The following MEIKIN variants were observed in gnomAD, a reference collection of about 807,000 sequenced individuals.
MEIKIN encodes meiosis-specific kinetochore protein.
At chr5:131,918,138 C>G (rs563302000) in intron 6 of MEIKIN, among the ~76,000 whole-genome samples, 13 of 152,100 alleles carry the variant, frequency 8.5e-5, no homozygotes, top group Non-Finnish European at 1.6e-4. Context: ...TGTAAGCCCA[C>G]AGCCAGCAAA....
At chr5:131,892,581 C>T (rs189682740) in intron 8 of MEIKIN, among the ~76,000 whole-genome samples, 3 of 152,160 alleles carry the variant, frequency 2.0e-5, no homozygotes, top group African/African-American at 4.8e-5. Context: ...CTTTTAAGGA[C>T]TTCTCTGCAT....
chr5:131,835,986 T>G (rs1406253452), intron 11 of MEIKIN, among the ~76,000 whole-genome samples: 1 of 152,166 alleles, frequency 6.6e-6, no homozygotes, highest in East Asian at 1.9e-4. Flanking sequence ...GCACAGATTA[T>G]TTTGTCATCC....
intron 8 of MEIKIN, among the ~76,000 whole-genome samples, chr5:131,905,006 G>C (rs958214480): frequency 1.3e-5 from 2 of 152,096 alleles, no homozygotes; most frequent in Admixed American, 1.3e-4. Context: ...GATAGGGGAG[G>C]AATAGCATTA....
chr5:131,857,353 C>T (rs148569730), intron 9 of MEIKIN, among the ~76,000 whole-genome samples: 6 of 152,166 alleles, frequency 3.9e-5, no homozygotes, highest in African/African-American at 1.2e-4. Context: ...CAAAATAGTT[C>T]GAAACACAGG....
intron 12 of MEIKIN, among the ~76,000 whole-genome samples, chr5:131,815,473 T>C (rs1773085528): frequency 6.6e-6 from 1 of 152,228 alleles, no homozygotes; most frequent in African/African-American, 2.4e-5. Flanking sequence ...ATTCTTCCTG[T>C]TCTCATAATT....
chr5:131,833,283 A>G (rs1304742574), intron 11 of MEIKIN, among the ~76,000 whole-genome samples: 4 of 152,152 alleles, frequency 2.6e-5, no homozygotes, highest in Non-Finnish European at 4.4e-5. Flanking sequence ...ATCCTTGCTA[A>G]TTTGCTAAAA....
chr5:131,835,734 C>T (rs1469459064), intron 11 of MEIKIN, among the ~76,000 whole-genome samples: 2 of 152,192 alleles, frequency 1.3e-5, no homozygotes, highest in African/African-American at 4.8e-5. Flanking sequence ...GCTGGGACTA[C>T]AGGTGCCTGC....
chr5:131,821,808 A>C (rs1021175700), intron 11 of MEIKIN, among the ~76,000 whole-genome samples: 1 of 150,228 alleles, frequency 6.7e-6, no homozygotes, highest in Non-Finnish European at 1.5e-5. Context: ...TTTTTTTTGG[A>C]GACATGGGGT....
At chr5:131,887,270 T>A (rs978225414) in intron 8 of MEIKIN, among the ~76,000 whole-genome samples, 3 of 152,166 alleles carry the variant, frequency 2.0e-5, no homozygotes, top group Non-Finnish European at 4.4e-5. Flanking sequence ...TTTGCTATTG[T>A]GAAGAGTGCT....
At chr5:131,850,912 C>G (rs149737785) in intron 11 of MEIKIN, among the ~76,000 whole-genome samples, 1 of 151,712 alleles carries the variant, frequency 6.6e-6, no homozygotes, top group African/African-American at 2.4e-5. Context: ...TGCACCCTGG[C>G]ACTCCAGCAG....
intron 6 of MEIKIN, among the ~76,000 whole-genome samples, chr5:131,917,457 T>G (rs1751431362): frequency 6.6e-6 from 1 of 151,460 alleles, no homozygotes; most frequent in South Asian, 2.1e-4. Context: ...TCCCAGCTAC[T>G]TGGGAGGCTG....
At chr5:131,871,343 G>C (rs968395936) in intron 9 of MEIKIN, among the ~76,000 whole-genome samples, 1 of 152,232 alleles carries the variant, frequency 6.6e-6, no homozygotes, top group African/African-American at 2.4e-5. Flanking sequence ...CGGCACACCA[G>C]GAGATTATAT....
intron 8 of MEIKIN, among the ~76,000 whole-genome samples, chr5:131,901,241 C>T (rs569176048): frequency 6.6e-6 from 1 of 152,246 alleles, no homozygotes; most frequent in East Asian, 1.9e-4. Flanking sequence ...GCCATTGGCA[C>T]AAAACTATAT....
Position 131,918,891 on chromosome 5 carries a change from T to C in MEIKIN, c.599-1966A>G, listed in dbSNP as rs115329947. Among the ~76,000 whole-genome samples the C allele has an allele frequency of 5.5e-3, 833 of 152,252 alleles. 10 individuals are homozygous for C. The highest frequency in any genetic ancestry group is 0.017 in the African/African-American group (720 of 41,530). ...ATGGGGAACAAGCCAACACACTTGG[T>C]TGTATGTTGACATAAGACCCTATGA... is the stretch of plus-strand genomic sequence containing the variant. On this transcript the variant is annotated intron_variant, in intron 6 of 12. Transcript: ENST00000442687.
chr5:131,836,050 C>T (rs779986983), intron 11 of MEIKIN, among the ~76,000 whole-genome samples: 1 of 152,154 alleles, frequency 6.6e-6, no homozygotes, highest in Non-Finnish European at 1.5e-5. Context: ...TCCCTCCTCC[C>T]ACTCTCCACC....
intron 9 of MEIKIN, among the ~76,000 whole-genome samples, chr5:131,870,793 C>T (rs1750476327): frequency 6.6e-6 from 1 of 152,160 alleles, no homozygotes; most frequent in Non-Finnish European, 1.5e-5. Flanking sequence ...TAGTCAAAGC[C>T]ACCACTATAG....
Position 131,827,861 on chromosome 5 carries a change from T to C in MEIKIN, c.976-8998A>G, listed in dbSNP as rs140036438. Among the ~76,000 whole-genome samples, 845 of 152,260 alleles carry C rather than the reference T, an allele frequency of 5.5e-3. 3 individuals are homozygous for C. Among genetic ancestry groups the C allele is most frequent in the Middle Eastern group, 0.01 (3 of 294 alleles). On this transcript the variant is annotated intron_variant, in intron 11 of 12. Coordinates refer to ENST00000442687, the MANE Select transcript of MEIKIN (RefSeq NM_001303622.2). ...ACATATAATAAAAATTGACCATGTA[T>C]TAGGCTGTATTGCAACTATCAATAA...
At chr5:131,851,890 A>G in intron 10 of MEIKIN, among the ~76,000 whole-genome samples, 1 of 152,212 alleles carries the variant, frequency 6.6e-6, no homozygotes, top group Admixed American at 6.5e-5. Context: ...TAGCATCCAC[A>G]TATTTTGGTA....
chr5:131,864,485 AT>A (rs1232595408), intron 9 of MEIKIN, among the ~76,000 whole-genome samples: 1 of 152,194 alleles, frequency 6.6e-6, no homozygotes, highest in East Asian at 1.9e-4. Context: ...TGAAGAACAA[AT>A]TTGCTGTATA....
Sources: gnomAD v4.1 joint callset for allele counts (sites outside exome capture counted in the v4.1 genomes callset) on GRCh38, gnomAD v4.1.1 for gene constraint, MANE v1.5 for transcripts, NCBI Gene and HGNC (gene_info 2026-07-23, HGNC 2026-07-21) for gene names.